The following IPPK variants were observed in gnomAD, a reference collection of about 807,000 sequenced individuals.
The protein encoded by IPPK is inositol-pentakisphosphate 2-kinase, also known as IPK1 homolog.
IPPK carries 22 observed loss-of-function variants against 64.6 expected under a neutral mutation model. The observed-to-expected ratio is 0.34, with a 90% CI of 0.24 to 0.49. The LOEUF is 0.49. Among genes scored for constraint, IPPK ranks in the 20% least tolerant of loss-of-function variants. IPPK has a pLI of 0.99. For missense variants in IPPK, 532 were observed against 630.7 expected (o/e 0.84, Z 1.68); for synonymous variants, 262 against 247.2 (o/e 1.06, Z -0.56).
chr9:92,666,273 A>C (rs1277863559), intron 1 of IPPK, among the ~76,000 whole-genome samples: 5 of 152,150 alleles, frequency 3.3e-5, no homozygotes, highest in Non-Finnish European at 4.4e-5. Context: ...ATCTGAAGAC[A>C]CCTAGGAGAT....
chr9:92,666,789 C>T (rs922740251), intron 1 of IPPK, among the ~76,000 whole-genome samples: 1 of 152,182 alleles, frequency 6.6e-6, no homozygotes, highest in Admixed American at 6.5e-5. Flanking sequence ...CCTTTAAACG[C>T]CTCTCTATGG....
At chr9:92,660,451 C>A (rs1852459856) in intron 1 of IPPK, among the ~76,000 whole-genome samples, 1 of 152,262 alleles carries the variant, frequency 6.6e-6, no homozygotes, top group Non-Finnish European at 1.5e-5. Flanking sequence ...ACCTGCCAGA[C>A]TGCATGCACA....
chr9:92,637,760 G>A (rs1851968832), intron 9 of IPPK, among the ~76,000 whole-genome samples: 1 of 152,210 alleles, frequency 6.6e-6, no homozygotes, highest in South Asian at 2.1e-4. Flanking sequence ...GATATTCTGG[G>A]GGAAAATCCT....
intron 1 of IPPK, among the ~76,000 whole-genome samples, chr9:92,667,076 G>A (rs977947941): frequency 6.6e-6 from 1 of 152,218 alleles, no homozygotes. Context: ...TCATGGTAGA[G>A]GGGATGGGGG....
Position 92,656,474 on chromosome 9 carries a change from C to G in IPPK, c.207G>C (p.Glu69Asp). 1 of 1,611,188 alleles carries G rather than the reference C, an allele frequency of 6.2e-7. No individual in the cohort carries two copies. The highest frequency in any genetic ancestry group is 8.5e-7 in the Non-Finnish European group (1 of 1,177,306). ...CACTTACCCCATAATGAACATAGTT[C>G]TCCCCCAAAAACTCCTTCATGACAT... ...GKNVMKEFLG[E>D]NYVHYGEVVQ... is the part of the protein sequence containing the mutation. Residue 69 changes from glutamate to aspartate, a missense_variant, in exon 3 of 13, where the codon GAG (glutamate) becomes GAC (aspartate). Coordinates refer to ENST00000287996, the MANE Select transcript of IPPK (RefSeq NM_022755.6).
rs535439513 is a variant in IPPK at position 92,635,617 on chromosome 9, T to C, written c.917-309A>G. 5.3e-5 allele frequency among the ~76,000 whole-genome samples: 8 copies of C among 152,334 alleles called. No homozygotes were observed. Among genetic ancestry groups the C allele is most frequent in the African/African-American group, 1.9e-4 (8 of 41,578 alleles). Reference sequence around the variant, plus strand: ...CCAACACAACTCTCAGAATGTCCTTTAGATTCCACCACAACAGCCCTGGAA... The same window carrying C: ...CCAACACAACTCTCAGAATGTCCTTCAGATTCCACCACAACAGCCCTGGAA... On this transcript the variant is annotated intron_variant, in intron 9 of 12. Transcript: ENST00000287996. This position sits in a 1 kb window ranked among gnomAD's most constrained non-coding sequence, Gnocchi z 4.4.
At chr9:92,645,010 G>A (rs1369898724) in intron 6 of IPPK, among the ~76,000 whole-genome samples, 1 of 151,926 alleles carries the variant, frequency 6.6e-6, no homozygotes, top group Non-Finnish European at 1.5e-5. Context: ...AGGAAACTAG[G>A]GACAAAGAAC....
rs762953935 is a variant in IPPK, at chr9:92,656,477, C to T, written c.204G>A (p.Gly68=). The change falls in exon 3 of 13, where the codon GGG becomes GGA. Residue 68 remains glycine, a synonymous_variant. Transcript: ENST00000287996. ...FGKNVMKEFL[G]ENYVHYGEVV... is the part of the protein sequence containing the mutation. ...TTACCCCATAATGAACATAGTTCTC[C>T]CCCAAAAACTCCTTCATGACATTTT... 1.2e-6 allele frequency: 2 copies of T among 1,611,866 alleles called. No individual in the cohort carries two copies. Among genetic ancestry groups the T allele is most frequent in the Non-Finnish European group, 1.7e-6 (2 of 1,177,930 alleles).
intron 1 of IPPK, among the ~76,000 whole-genome samples, chr9:92,667,765 T>C (rs993307134): frequency 1.3e-5 from 2 of 151,648 alleles, no homozygotes; most frequent in Non-Finnish European, 2.9e-5. Flanking sequence ...TAGCCAGGCA[T>C]GGTGGCAGGC....
chr9:92,651,480 G>T (rs1554698691), intron 4 of IPPK, among the ~76,000 whole-genome samples: 1 of 152,222 alleles, frequency 6.6e-6, no homozygotes, highest in Non-Finnish European at 1.5e-5. Flanking sequence ...GCCACAGAAG[G>T]CCCTTGGATT....
At chr9:92,659,150 G>A (rs1461045393) in intron 1 of IPPK, among the ~76,000 whole-genome samples, 3 of 152,102 alleles carry the variant, frequency 2.0e-5, no homozygotes, top group Non-Finnish European at 2.9e-5. Context: ...AAATACACGT[G>A]AGCACACACA....
At position 92,656,513 on chromosome 9, in the gene IPPK, C is replaced by T; in HGVS notation, c.168G>A (p.Val56=). ...CCTTCATGACATTTTTCCCAAAGTC[C>T]ACTATGTTCTGCAGGTGTTGAAATA... ...EEIFQHLQNI[V]DFGKNVMKEF... The change falls in exon 3 of 13, where the codon GTG becomes GTA. Residue 56 remains valine, a synonymous_variant. Transcript: ENST00000287996. The T allele has an allele frequency of 6.2e-7, 1 of 1,613,770 alleles. No homozygotes were observed. Among genetic ancestry groups the T allele is most frequent in the South Asian group, 1.1e-5 (1 of 91,060 alleles).
chr9:92,629,530 T>A (rs1851794937), intron 11 of IPPK, among the ~76,000 whole-genome samples: 1 of 152,022 alleles, frequency 6.6e-6, no homozygotes, highest in African/African-American at 2.4e-5. Flanking sequence ...GGTGGGTGGA[T>A]CACTTGAGCT....
rs1852219302 is a variant in IPPK at position 92,649,571 on chromosome 9, G to A, written c.296C>T (p.Ser99Phe). The A allele has an allele frequency of 1.2e-6, 2 of 1,613,872 alleles. No homozygotes were observed. The highest frequency in any genetic ancestry group is 2.2e-5 in the South Asian group (2 of 91,050). The part of the protein sequence containing the change: ...CLKIQSERPE[S>F]RCDKDLDTLS... ...AGTATCCAGGTCCTTGTCACAGCGA[G>A]ACTCTGGAAAACAGAGCAAGGGTCA... The change falls in exon 5 of 13, where the codon TCT (serine) becomes TTT (phenylalanine). Residue 99 changes from serine (S) to phenylalanine (F), a missense_variant. Coordinates refer to ENST00000287996, the MANE Select transcript of IPPK (RefSeq NM_022755.6).
At chr9:92,626,293 A>G (rs950688712) in intron 11 of IPPK, among the ~76,000 whole-genome samples, 3 of 152,204 alleles carry the variant, frequency 2.0e-5, no homozygotes, top group African/African-American at 4.8e-5. Flanking sequence ...GCTACTCGGG[A>G]GGCTGAGGCA....
At chr9:92,668,197 G>A (rs1852641210) in intron 1 of IPPK, among the ~76,000 whole-genome samples, 1 of 152,160 alleles carries the variant, frequency 6.6e-6, no homozygotes, top group Non-Finnish European at 1.5e-5. Context: ...GAACCTGGGA[G>A]GCGGAGGTTG....
At chr9:92,643,652 A>G (rs1240584795) in intron 6 of IPPK, among the ~76,000 whole-genome samples, 3 of 152,122 alleles carry the variant, frequency 2.0e-5, no homozygotes, top group African/African-American at 7.2e-5. Flanking sequence ...GCACTGAAAA[A>G]GCCCTAAAGA....
intron 11 of IPPK, among the ~76,000 whole-genome samples, chr9:92,627,622 T>C (rs1394660138): frequency 6.6e-6 from 1 of 152,164 alleles, no homozygotes; most frequent in Admixed American, 6.5e-5. Context: ...TCTCAAATGA[T>C]ATAGAAAAGG....
chr9:92,628,520 T>G (rs539440261), intron 11 of IPPK, among the ~76,000 whole-genome samples: 4 of 152,316 alleles, frequency 2.6e-5, no homozygotes, highest in Admixed American at 2.6e-4. Flanking sequence ...CATACATCTA[T>G]GGTCAACTGA....
Sources: gnomAD v4.1 joint callset for allele counts (sites outside exome capture counted in the v4.1 genomes callset) on GRCh38, gnomAD v4.1.1 for gene constraint, Gnocchi (gnomAD v3.1) non-coding constraint, MANE v1.5 for transcripts, NCBI Gene and HGNC (gene_info 2026-07-23, HGNC 2026-07-21) for gene names.